Variants in FAM234A observed in about 807,000 individuals in gnomAD.
The protein encoded by FAM234A is protein FAM234A.
Under a neutral mutation model 49.1 loss-of-function variants are expected in FAM234A, and 42 were observed. The ratio of observed to expected loss-of-function variants is 0.86; its 90% CI spans 0.67 to 1.11. FAM234A has a LOEUF of 1.11. Among genes scored for constraint, FAM234A ranks in the 50% least tolerant of loss-of-function variants. The pLI is 0.00. For synonymous variants in FAM234A, 369 were observed against 316.2 expected (o/e 1.17, Z -1.77); for missense variants, 815 against 745.2 (o/e 1.09, Z -1.09).
intron 1 of FAM234A, among the ~76,000 whole-genome samples, chr16:235,375 C>G (rs886326644): frequency 6.6e-6 from 1 of 152,154 alleles, no homozygotes; most frequent in Non-Finnish European, 1.5e-5. Context: ...GAAAGCTCCC[C>G]GAGCGCAGCC....
downstream of FAM234A, among the ~76,000 whole-genome samples, chr16:266,627 A>G (rs1057149384): frequency 2.0e-5 from 3 of 152,188 alleles, no homozygotes; most frequent in African/African-American, 7.2e-5. Flanking sequence ...AGAGCCACAC[A>G]GGTGTAACCT....
In FAM234A at chr16:259,558, C is replaced by A; in HGVS notation, c.344C>A (p.Thr115Asn). 6.2e-7 allele frequency: 1 copy of A among 1,612,180 alleles called. No individual in the cohort carries two copies. Among genetic ancestry groups the A allele is most frequent in the Non-Finnish European group, 8.5e-7 (1 of 1,178,224 alleles). The change falls in exon 4 of 13, where the codon ACC becomes AAC. Residue 115 changes from threonine to asparagine, a missense_variant. Physicochemically the swap from Thr to Asn is moderately conservative, Grantham distance 65. Transcript: ENST00000399932. ...IQDVLFLYKN[T>N]NSSNNFSRSC... ...GATGTTCTTTTTCTTTATAAAAACA[C>A]CAACAGCAGCAACAATTTCAGCCGA...
intron 3 of FAM234A, among the ~76,000 whole-genome samples, chr16:255,941 G>A (rs1279043317): frequency 6.6e-6 from 1 of 152,250 alleles, no homozygotes; most frequent in African/African-American, 2.4e-5. Flanking sequence ...TGGGATTACC[G>A]GCGTGAGCCA....
At chr16:264,500 AC>A in intron 11 of FAM234A, 113 bp from the exon 12 acceptor site, 2 of 815,534 alleles carry the variant, frequency 2.5e-6, no homozygotes, top group Non-Finnish European at 3.9e-6. Context: ...CATTTGGGGG[AC>A]CCAGATAGGG....
At chr16:254,355 G>A (rs963189753) in intron 2 of FAM234A, 26 bp from the exon 3 acceptor site, 167 of 1,589,398 alleles carry the variant, frequency 1.1e-4, no homozygotes, top group Non-Finnish European at 1.5e-5. Context: ...TGCTGGCCTC[G>A]CCGACCTCTT....
At chr16:269,013 G>C (rs895399447), downstream of FAM234A, 3 of 1,404,220 alleles carry the variant, frequency 2.1e-6, no homozygotes, top group Admixed American at 5.9e-5. Flanking sequence ...CAGGTAACAG[G>C]CTCTGCCCTG....
At chr16:254,932 C>G (rs545413524) in intron 3 of FAM234A, among the ~76,000 whole-genome samples, 4 of 152,140 alleles carry the variant, frequency 2.6e-5, no homozygotes, top group African/African-American at 9.7e-5. Context: ...CTCAGCTCAC[C>G]GCTACTTCTG....
chr16:268,949 G>A (rs1003901451), downstream of FAM234A: 33 of 1,550,116 alleles, frequency 2.1e-5, no homozygotes, highest in Non-Finnish European at 2.9e-5. Context: ...ACCCAGTGCT[G>A]GACTGAAGAC....
At chr16:242,390 T>G (rs1198055981) in intron 1 of FAM234A, among the ~76,000 whole-genome samples, 6 of 152,098 alleles carry the variant, frequency 3.9e-5, no homozygotes, top group Non-Finnish European at 8.8e-5. Flanking sequence ...AATTTTGTAT[T>G]TTTAGTAGAG....
Position 260,023 on chromosome 16 carries a change from C to T in FAM234A, c.440C>T (p.Thr147Met), listed in dbSNP as rs770280178. 8.7e-6 allele frequency: 14 copies of T among 1,613,546 alleles called. No homozygotes were observed. The highest frequency in any genetic ancestry group is 4.4e-5 in the South Asian group (4 of 91,076). The part of the protein sequence containing the change: ...AAAVSGANGS[T>M]LWERPVAQDV... ...GCTGTGTCGGGGGCCAACGGCAGCACGCTCTGGGAGAGACCTGTGGCCCAA... is the reference window on the plus strand; with the variant it reads ...GCTGTGTCGGGGGCCAACGGCAGCATGCTCTGGGAGAGACCTGTGGCCCAA... The change falls in exon 5 of 13, where the codon ACG becomes ATG. Residue 147 changes from threonine (T) to methionine (M), a missense_variant. Coordinates refer to ENST00000399932, the MANE Select transcript of FAM234A (RefSeq NM_032039.4).
At chr16:237,028 A>G (rs544039403) in intron 1 of FAM234A, among the ~76,000 whole-genome samples, 12 of 152,030 alleles carry the variant, frequency 7.9e-5, no homozygotes, top group Non-Finnish European at 1.5e-4. Flanking sequence ...TGCTGGAATT[A>G]TAAGTGTGAG....
chr16:261,399 A>G lies in FAM234A; in HGVS notation c.593A>G (p.Asn198Ser). ...VNLFTGETLW[N>S]HSSSFSGNAS... Reference sequence around the variant, plus strand: ...TTGATTCTAGGGGAAACCCTGTGGAACCACAGCAGCAGCTTCAGCGGGAAT... The same window carrying G: ...TTGATTCTAGGGGAAACCCTGTGGAGCCACAGCAGCAGCTTCAGCGGGAAT... Residue 198 changes from asparagine to serine, a missense_variant, in exon 6 of 13, where the codon AAC becomes AGC. Physicochemically the swap from Asn to Ser is conservative, Grantham distance 46. Transcript: ENST00000399932. The G allele has an allele frequency of 6.2e-7, 1 of 1,612,280 alleles. No homozygotes were observed. The highest frequency in any genetic ancestry group is 2.2e-5 in the East Asian group (1 of 44,812).
At chr16:256,026 C>G (rs1315370375) in intron 3 of FAM234A, among the ~76,000 whole-genome samples, 1 of 152,210 alleles carries the variant, frequency 6.6e-6, no homozygotes, top group Non-Finnish European at 1.5e-5. Context: ...ACTTCCTTAA[C>G]TTAGCGTGAT....
At chr16:240,498 G>A (rs914885814) in intron 1 of FAM234A, among the ~76,000 whole-genome samples, 6 of 148,566 alleles carry the variant, frequency 4.0e-5, no homozygotes, top group Non-Finnish European at 7.4e-5. Context: ...CTGCATCTGG[G>A]TGTATTTTTT....
Position 264,142 on chromosome 16 carries a change from C to T in FAM234A, c.1315C>T (p.Leu439Phe), listed in dbSNP as rs1447878738. 2 of 1,607,170 alleles carry T rather than the reference C, an allele frequency of 1.2e-6. No homozygotes were observed. The highest frequency in any genetic ancestry group is 2.2e-5 in the East Asian group (1 of 44,818). The change falls in exon 11 of 13, where the codon CTC becomes TTC. Residue 439 changes from leucine (L) to phenylalanine (F), a missense_variant. Leu to Phe is a conservative substitution (Grantham distance 22, BLOSUM62 0). Transcript: ENST00000399932. Reference sequence around the variant, plus strand: ...CCGCTCAGCCTTCTTCTTCTGGGGCCTCCACGAGCTGGGGAGCACCAGCGA... The same window carrying T: ...CCGCTCAGCCTTCTTCTTCTGGGGCTTCCACGAGCTGGGGAGCACCAGCGA... ...DHRSAFFFWGLHELGSTSETE... is the reference protein window; with the variant it reads ...DHRSAFFFWGFHELGSTSETE...
At chr16:240,385 G>A (rs1323840017) in intron 1 of FAM234A, 1 of 152,182 alleles carries the variant, frequency 6.6e-6, no homozygotes, top group African/African-American at 2.4e-5. Context: ...GGTAAGAGAA[G>A]TATGATGAGT....
At chr16:269,809 G>C (rs2051836579), downstream of FAM234A, 1 of 534,028 alleles carries the variant, frequency 1.9e-6, no homozygotes, top group African/African-American at 1.9e-5. Flanking sequence ...AATGGCAAGA[G>C]CCCTGGTGGC....
rs1471661992 is a variant in FAM234A at position 263,314 on chromosome 16, G to A, written c.1024G>A (p.Val342Met). 3.1e-6 allele frequency: 5 copies of A among 1,613,258 alleles called. No individual in the cohort carries two copies. The highest frequency in any genetic ancestry group is 2.7e-5 in the African/African-American group (2 of 75,074). Residue 342 changes from valine to methionine, a missense_variant, in exon 9 of 13, where the codon GTG (valine) becomes ATG (methionine). Coordinates refer to ENST00000399932, the MANE Select transcript of FAM234A (RefSeq NM_032039.4). ...MHVPGNAGAD[V>M]LLVGSEAFVL... ...TGTCCCAGGGAACGCCGGTGCAGAT[G>A]TGCTTCTTGTGGGCTCAGAGGCCTT...
chr16:238,781 A>G (rs1380160501), intron 1 of FAM234A, among the ~76,000 whole-genome samples: 34 of 137,320 alleles, frequency 2.5e-4, no homozygotes, highest in East Asian at 1.3e-3. Context: ...AAAAAAAAAA[A>G]AAAAAGAAAA....
Sources: allele counts gnomAD v4.1 joint callset (sites outside exome capture counted in the v4.1 genomes callset), GRCh38; gene constraint gnomAD v4.1.1; transcripts MANE v1.5; gene names NCBI Gene and HGNC (gene_info 2026-07-23, HGNC 2026-07-21).